Variants in SEMA3A observed in about 807,000 individuals in gnomAD.
The protein encoded by SEMA3A is semaphorin 3A, also known as semaphorin-3A.
Under a neutral mutation model 97.9 loss-of-function variants are expected in SEMA3A, and 29 were observed. The ratio of observed to expected loss-of-function variants is 0.30; its 90% CI spans 0.22 to 0.40. The LOEUF is 0.40. SEMA3A is among the 10% of genes least tolerant of loss of function. SEMA3A has a pLI of 1.00. For synonymous variants in SEMA3A, 321 were observed against 323.7 expected (o/e 0.99, Z 0.09); for missense variants, 763 against 951.3 (o/e 0.80, Z 2.60).
At chr7:84,414,386 G>C (rs1804369435) in intron 1 of SEMA3A, among the ~76,000 whole-genome samples, 1 of 145,058 alleles carries the variant, frequency 6.9e-6, no homozygotes, top group Non-Finnish European at 1.5e-5. Context: ...TAAATAATTG[G>C]CTAAAAGTAA....
chr7:84,449,170 C>A (rs1805499523), intron 1 of SEMA3A, among the ~76,000 whole-genome samples: 2 of 151,990 alleles, frequency 1.3e-5, no homozygotes, highest in Non-Finnish European at 2.9e-5. Flanking sequence ...AAAGGTAAGA[C>A]CTAAAACTAT....
intron 6 of SEMA3A, among the ~76,000 whole-genome samples, chr7:84,018,440 T>A (rs1005286899): frequency 3.9e-5 from 6 of 152,292 alleles, no homozygotes; most frequent in South Asian, 2.1e-4. Flanking sequence ...TAAGGTAAAA[T>A]TTTTTTGTCT....
At chr7:84,076,817 T>G (rs1454736852) in intron 4 of SEMA3A, among the ~76,000 whole-genome samples, 1 of 152,138 alleles carries the variant, frequency 6.6e-6, no homozygotes, top group African/African-American at 2.4e-5. Context: ...TAGAGTTGGA[T>G]TAAATAGGAT....
chr7:84,259,698 A>T (rs963429310), intron 3 of SEMA3A, among the ~76,000 whole-genome samples: 1 of 151,968 alleles, frequency 6.6e-6, no homozygotes, highest in African/African-American at 2.4e-5. Flanking sequence ...GAGGAGATAT[A>T]GATGTCACTA....
intron 12 of SEMA3A, among the ~76,000 whole-genome samples, chr7:83,995,393 T>C (rs941862414): frequency 7.9e-5 from 12 of 152,154 alleles, no homozygotes; most frequent in Non-Finnish European, 1.5e-5. Context: ...GAAACCCTAG[T>C]ACATAACAGG....
chr7:84,113,312 A>T (rs1434983157), intron 3 of SEMA3A, among the ~76,000 whole-genome samples: 2 of 152,180 alleles, frequency 1.3e-5, no homozygotes, highest in Non-Finnish European at 2.9e-5. Context: ...TACATAAAAG[A>T]GTATCAATCC....
Position 84,378,984 on chromosome 7 carries a change from T to A in SEMA3A, c.-245-7084A>T, listed in dbSNP as rs187033595. Among the ~76,000 whole-genome samples, 44 of 152,134 alleles carry A rather than the reference T, an allele frequency of 2.9e-4. 1 individual carries two copies. In the East Asian group the frequency reaches 7.4e-3, roughly 25 times the overall value. ...CTCTGTCGCCCAGGCTGGAGTGCAG[T>A]GGCACAATCTCGGCTCACTTGCAAG... On this transcript the variant is annotated intron_variant, in intron 1 of 3. Transcript: ENST00000424555.
chr7:84,231,359 C>A (rs1319921341), intron 3 of SEMA3A, among the ~76,000 whole-genome samples: 1 of 151,902 alleles, frequency 6.6e-6, no homozygotes, highest in East Asian at 1.9e-4. Context: ...ATGACAGTCT[C>A]ATAGTTGTCT....
At chr7:84,375,074 T>C (rs1466004475) in intron 1 of SEMA3A, among the ~76,000 whole-genome samples, 1 of 152,148 alleles carries the variant, frequency 6.6e-6, no homozygotes, top group South Asian at 2.1e-4. Flanking sequence ...GGCTAGAGTA[T>C]AGTGGTGCCA....
intron 1 of SEMA3A, among the ~76,000 whole-genome samples, chr7:84,472,471 T>A (rs1562958718): frequency 6.6e-6 from 1 of 152,192 alleles, no homozygotes; most frequent in African/African-American, 2.4e-5. Context: ...TTATGTGTAT[T>A]GTATTTGTAT....
intron 1 of SEMA3A, among the ~76,000 whole-genome samples, chr7:84,413,541 C>T (rs549624443): frequency 2.0e-5 from 3 of 152,162 alleles, no homozygotes; most frequent in Admixed American, 1.3e-4. Flanking sequence ...AGTGGGAAGA[C>T]CACCTGATTC....
intron 15 of SEMA3A, among the ~76,000 whole-genome samples, chr7:83,966,042 A>G (rs1788683045): frequency 6.6e-6 from 1 of 151,878 alleles, no homozygotes; most frequent in African/African-American, 2.4e-5. Flanking sequence ...TAATCATTCT[A>G]GTTAGTCCAC....
chr7:84,479,219 G>A (rs1170584383), intron 1 of SEMA3A, among the ~76,000 whole-genome samples: 1 of 152,120 alleles, frequency 6.6e-6, no homozygotes, highest in Non-Finnish European at 1.5e-5. Context: ...GTGCCTTAAG[G>A]TTAATGGACA....
intron 1 of SEMA3A, among the ~76,000 whole-genome samples, chr7:84,463,258 TTTTTTTTTAG>T (rs1805903033): frequency 8.3e-6 from 1 of 121,200 alleles, no homozygotes; most frequent in Non-Finnish European, 1.7e-5. Flanking sequence ...TTTTTTTTTT[TTTTTTTTTAG>T]GAGGGACTCT....
intron 14 of SEMA3A, among the ~76,000 whole-genome samples, chr7:83,980,621 A>ATATAT (rs1179670067): frequency 1.2e-5 from 1 of 80,670 alleles, no homozygotes; most frequent in African/African-American, 6.6e-5. Context: ...AAAAAAAAAA[A>ATATAT]AAATATATAT....
chr7:84,071,859 G>C (rs1793752803), intron 4 of SEMA3A, among the ~76,000 whole-genome samples: 1 of 152,068 alleles, frequency 6.6e-6, no homozygotes, highest in Non-Finnish European at 1.5e-5. Flanking sequence ...CAATGAATGA[G>C]TGAAAAAATT....
At chr7:84,310,729 C>T (rs1304438072) in intron 2 of SEMA3A, among the ~76,000 whole-genome samples, 3 of 151,992 alleles carry the variant, frequency 2.0e-5, no homozygotes, top group Non-Finnish European at 4.4e-5. Flanking sequence ...GCAACTTACA[C>T]TGGTCATTTT....
At chr7:84,265,529 A>C (rs1209068047) in intron 3 of SEMA3A, among the ~76,000 whole-genome samples, 3 of 147,590 alleles carry the variant, frequency 2.0e-5, no homozygotes, top group African/African-American at 7.4e-5. Context: ...ATAATTTTAT[A>C]TATTATATAT....
At chr7:84,042,664 A>G (rs2372023) in intron 6 of SEMA3A, among the ~76,000 whole-genome samples, 79,881 of 151,858 alleles carry the variant, frequency 0.53, 22,537 homozygotes, top group Non-Finnish European at 0.63. Flanking sequence ...GATAGGTAGT[A>G]CCTCTGTTCA....
Sources: allele counts gnomAD v4.1 joint callset (sites outside exome capture counted in the v4.1 genomes callset), GRCh38; gene constraint gnomAD v4.1.1; transcripts MANE v1.5; gene names NCBI Gene and HGNC (gene_info 2026-07-23, HGNC 2026-07-21).